CSRNP3: variants seen among roughly 807,000 people sequenced by gnomAD.
The protein encoded by CSRNP3 is cysteine/serine-rich nuclear protein 3.
A neutral mutation model predicts 48.0 loss-of-function variants in CSRNP3; 12 were observed. The observed-to-expected ratio is 0.25, with a 90% CI of 0.16 to 0.41. The LOEUF is 0.41. Ranked by LOEUF, CSRNP3 falls within the 10% of genes least tolerant of loss-of-function variation. The probability of loss-of-function intolerance (pLI) is 1.00; values close to 1 mark genes in which losing one functional copy is unlikely to be tolerated. For synonymous variants in CSRNP3, 263 were observed against 269.7 expected (o/e 0.98, Z 0.24); for missense variants, 580 against 724.4 (o/e 0.80, Z 2.29).
chr2:165,651,590 C>A (rs1686905053), intron 4 of CSRNP3, among the ~76,000 whole-genome samples: 1 of 150,086 alleles, frequency 6.7e-6, no homozygotes. Context: ...TTTTATGTGC[C>A]TATATTCTTA....
intron 4 of CSRNP3, among the ~76,000 whole-genome samples, chr2:165,623,140 G>T (rs949585318): frequency 6.6e-6 from 1 of 152,130 alleles, no homozygotes. Context: ...TATTTACATG[G>T]TATTTATATT....
At chr2:165,658,671 C>A (rs1338494054) in intron 5 of CSRNP3, among the ~76,000 whole-genome samples, 1 of 152,094 alleles carries the variant, frequency 6.6e-6, no homozygotes, top group African/African-American at 2.4e-5. Flanking sequence ...GGAGAGGCCT[C>A]ACAATCATGG....
intron 3 of CSRNP3, among the ~76,000 whole-genome samples, chr2:165,594,215 A>C (rs1004295516): frequency 6.6e-6 from 1 of 152,218 alleles, no homozygotes; most frequent in African/African-American, 2.4e-5. Context: ...AATGTAATTT[A>C]GCAATGTAAG....
chr2:165,506,765 T>C (rs2105223455), intron 2 of CSRNP3, among the ~76,000 whole-genome samples: 1 of 152,304 alleles, frequency 6.6e-6, no homozygotes, highest in South Asian at 2.1e-4. Flanking sequence ...ACGAACTCTA[T>C]TTTCTAAACT....
chr2:165,671,781 C>T (rs1044126738), intron 5 of CSRNP3, among the ~76,000 whole-genome samples: 1 of 152,166 alleles, frequency 6.6e-6, no homozygotes, highest in African/African-American at 2.4e-5. Context: ...ATTGGATTGT[C>T]AGGCTGTGCA....
intron 4 of CSRNP3, among the ~76,000 whole-genome samples, chr2:165,649,303 AG>A (rs1344724397): frequency 1.3e-5 from 2 of 152,226 alleles, no homozygotes; most frequent in Admixed American, 1.3e-4. Context: ...TTCACTCAGA[AG>A]CTGCAATGTG....
At chr2:165,477,973 T>C (rs1683987544) in intron 1 of CSRNP3, among the ~76,000 whole-genome samples, 1 of 142,848 alleles carries the variant, frequency 7.0e-6, no homozygotes, top group Non-Finnish European at 1.5e-5. Flanking sequence ...TGAGACCCTG[T>C]CAAAGAAAAG....
At chr2:165,636,797 T>A (rs935055457) in intron 4 of CSRNP3, among the ~76,000 whole-genome samples, 3 of 152,230 alleles carry the variant, frequency 2.0e-5, no homozygotes, top group African/African-American at 7.2e-5. Flanking sequence ...TATTATTTTT[T>A]AAATAATTAG....
At chr2:165,633,233 A>T (rs1055487218) in intron 4 of CSRNP3, among the ~76,000 whole-genome samples, 1 of 152,204 alleles carries the variant, frequency 6.6e-6, no homozygotes, top group African/African-American at 2.4e-5. Flanking sequence ...AAGGCAGCCA[A>T]GATTGTCTTT....
chr2:165,537,018 C>CA (rs1288271220), intron 3 of CSRNP3, among the ~76,000 whole-genome samples: 3 of 151,866 alleles, frequency 2.0e-5, no homozygotes, highest in Admixed American at 2.0e-4. Context: ...AACAAACACT[C>CA]AAACAGGAAA....
intron 4 of CSRNP3, among the ~76,000 whole-genome samples, chr2:165,637,588 T>C (rs1244162113): frequency 6.6e-6 from 1 of 152,216 alleles, no homozygotes; most frequent in African/African-American, 2.4e-5. Context: ...TGAATAAGTA[T>C]GAATAAGTAC....
chr2:165,516,855 G>C (rs1434194295), intron 2 of CSRNP3, among the ~76,000 whole-genome samples: 1 of 152,044 alleles, frequency 6.6e-6, no homozygotes, highest in East Asian at 1.9e-4. Flanking sequence ...AGAGAATCTT[G>C]GCGGCACAAT....
chr2:165,604,179 G>A (rs923087578), intron 4 of CSRNP3, among the ~76,000 whole-genome samples: 26 of 152,092 alleles, frequency 1.7e-4, no homozygotes, highest in Non-Finnish European at 3.1e-4. Context: ...AGAAACTCAC[G>A]ATCTAACAGT....
chr2:165,508,334 G>A (rs1053831434), intron 2 of CSRNP3, among the ~76,000 whole-genome samples: 7 of 152,044 alleles, frequency 4.6e-5, no homozygotes, highest in Non-Finnish European at 1.5e-5. Context: ...TGAGCCCCAT[G>A]TCCAAAAGAC....
intron 3 of CSRNP3, among the ~76,000 whole-genome samples, chr2:165,543,931 T>C (rs1457464890): frequency 6.6e-6 from 1 of 152,066 alleles, no homozygotes; most frequent in Non-Finnish European, 1.5e-5. Flanking sequence ...TGCCCTCCAG[T>C]ATCTTAACTT....
chr2:165,587,415 C>T (rs553850585), intron 3 of CSRNP3, among the ~76,000 whole-genome samples: 137 of 152,312 alleles, frequency 9.0e-4, no homozygotes, highest in African/African-American at 3.2e-3. Flanking sequence ...GAGTAGTACC[C>T]AGCCAGGTGG....
intron 3 of CSRNP3, among the ~76,000 whole-genome samples, chr2:165,589,173 C>T (rs907422689): frequency 3.3e-5 from 5 of 152,134 alleles, no homozygotes; most frequent in African/African-American, 1.2e-4. Context: ...AATCCTCCAA[C>T]ACAGTATAAA....
At position 165,579,150 on chromosome 2, in the gene CSRNP3, T is replaced by C. The variant is rs1685500832; in HGVS notation, c.-23-15893T>C. The stretch of plus-strand genomic sequence containing the variant: ...TACAGAAAATCCTCATGGAACATCT[T>C]AGGTGTCAATGGATGAGGAAAAGAT... On this transcript the variant is annotated intron_variant, in intron 3 of 6. Coordinates refer to ENST00000651982, the MANE Select transcript of CSRNP3 (RefSeq NM_001172173.2). Among the ~76,000 whole-genome samples the C allele has an allele frequency of 2.0e-5, 3 of 152,176 alleles. No homozygotes were observed. The South Asian group carries it at 6.2e-4, about 31-fold the overall frequency.
chr2:165,529,803 A>T (rs1684788472), intron 3 of CSRNP3, among the ~76,000 whole-genome samples: 1 of 152,218 alleles, frequency 6.6e-6, no homozygotes, highest in African/African-American at 2.4e-5. Flanking sequence ...TGTTGAATTT[A>T]ACCAAAATTA....
Sources: allele counts gnomAD v4.1 joint callset (sites outside exome capture counted in the v4.1 genomes callset), GRCh38; gene constraint gnomAD v4.1.1; transcripts MANE v1.5; gene names NCBI Gene and HGNC (gene_info 2026-07-23, HGNC 2026-07-21).